GOSR1: variants seen among roughly 807,000 people sequenced by gnomAD.
GOSR1 encodes the protein golgi SNAP receptor complex member 1.
In GOSR1, 21 loss-of-function variants were observed where a neutral mutation model predicts 35.5. That is an observed-to-expected ratio of 0.59 (90% CI 0.42 to 0.85). The LOEUF is 0.85. Among genes scored for constraint, GOSR1 ranks in the 40% least tolerant of loss-of-function variants. The pLI is 0.00. For synonymous variants in GOSR1, 94 were observed against 106.6 expected, an observed-to-expected ratio of 0.88 and a Z score of 0.73; for missense variants, 285 against 309.6, an observed-to-expected ratio of 0.92 and a Z score of 0.60.
chr17:30,522,843 C>G lies in GOSR1; in HGVS notation c.*465C>G, dbSNP rs1057300732. ...CCCTCTCCCCACGGTCTCCCTCTTT[C>G]CACGGTCTCCCTCTGATGCCGAGCC... On this transcript the variant is annotated 3_prime_UTR_variant, in exon 9 of 9. Transcript: ENST00000451249. The G allele has an allele frequency of 6.5e-6, 1 of 153,232 alleles. No homozygotes were observed. The highest frequency in any genetic ancestry group is 1.5e-5 in the Non-Finnish European group (1 of 68,822). 9.5% of individuals were successfully genotyped at this position (153,232 alleles called of 1,614,324 possible).
intron 4 of GOSR1, among the ~76,000 whole-genome samples, chr17:30,486,440 A>G (rs1014505307): frequency 2.0e-5 from 3 of 151,050 alleles, no homozygotes; most frequent in African/African-American, 7.3e-5. Context: ...TAGCTTGAAC[A>G]TTGAACCTGG....
intron 6 of GOSR1, among the ~76,000 whole-genome samples, chr17:30,498,099 A>G (rs1967064626): frequency 6.6e-6 from 1 of 150,572 alleles, no homozygotes; most frequent in African/African-American, 2.4e-5. Flanking sequence ...AATTACTCTT[A>G]TTAGTCATTA....
chr17:30,522,170 C>A, intron 8 of GOSR1, 84 bp from the exon 9 acceptor site: 1 of 1,091,008 alleles, frequency 9.2e-7, no homozygotes, highest in Non-Finnish European at 1.3e-6. Flanking sequence ...TTCTAGACAC[C>A]ACTGATCTCT....
chr17:30,509,184 G>T (rs755860731), intron 6 of GOSR1, among the ~76,000 whole-genome samples: 2 of 151,692 alleles, frequency 1.3e-5, no homozygotes, highest in Non-Finnish European at 2.9e-5. Context: ...ACTGTGTTGG[G>T]CAGGCTGGTC....
intron 8 of GOSR1, 132 bp from the exon 9 acceptor site, chr17:30,522,122 C>T (rs1968059031): frequency 1.4e-6 from 1 of 710,812 alleles, no homozygotes; most frequent in African/African-American, 1.8e-5. Flanking sequence ...TAAAGATTCC[C>T]TTGGTGTGAG....
At chr17:30,515,402 G>C (rs956549104) in intron 7 of GOSR1, among the ~76,000 whole-genome samples, 5 of 151,106 alleles carry the variant, frequency 3.3e-5, no homozygotes, top group Non-Finnish European at 7.4e-5. Context: ...GGTGACACTT[G>C]TTGAGTGTTA....
chr17:30,501,642 C>T (rs1021972598), intron 6 of GOSR1, among the ~76,000 whole-genome samples: 4 of 152,094 alleles, frequency 2.6e-5, no homozygotes, highest in South Asian at 2.1e-4. Flanking sequence ...ATTACAGGTG[C>T]GTGCCACCAC....
intron 7 of GOSR1, among the ~76,000 whole-genome samples, chr17:30,519,183 C>T (rs1416061902): frequency 6.6e-6 from 1 of 152,144 alleles, no homozygotes; most frequent in African/African-American, 2.4e-5. Context: ...ACCTCAGCCT[C>T]CCGAGTAGCT....
intron 6 of GOSR1, among the ~76,000 whole-genome samples, chr17:30,504,766 A>G (rs1450769067): frequency 6.6e-6 from 1 of 152,240 alleles, no homozygotes; most frequent in Admixed American, 6.5e-5. Flanking sequence ...TGACACAGAA[A>G]GTTGTTCCTT....
intron 4 of GOSR1, among the ~76,000 whole-genome samples, chr17:30,487,464 A>T (rs1914746727): frequency 6.6e-6 from 1 of 152,218 alleles, no homozygotes; most frequent in Non-Finnish European, 1.5e-5. Context: ...TAATAGAAAT[A>T]AGAAAAAGAC....
In GOSR1 at chr17:30,499,964, T is replaced by C. The variant is rs995936850; in HGVS notation, c.509+7211T>C. On this transcript the variant is annotated intron_variant, in intron 6 of 8. Transcript: ENST00000451249. Reference sequence around the variant, plus strand: ...TTTATTATTCACAACTCACAGGTTATTGTGACATTTGTATATCTTCTTTAG... The same window carrying C: ...TTTATTATTCACAACTCACAGGTTACTGTGACATTTGTATATCTTCTTTAG... Among the ~76,000 whole-genome samples the C allele has an allele frequency of 9.9e-5, 15 of 152,256 alleles. 1 individual carries two copies. The highest frequency in any genetic ancestry group is 3.6e-4 in the African/African-American group (15 of 41,468).
intron 5 of GOSR1, 199 bp downstream of exon 5, chr17:30,490,416 T>G: frequency 2.3e-6 from 1 of 426,180 alleles, no homozygotes; most frequent in South Asian, 3.1e-5. Context: ...TGCTTCCTCT[T>G]ACTTTATCAT....
chr17:30,494,303 T>C (rs933232733), intron 6 of GOSR1, among the ~76,000 whole-genome samples: 3 of 152,282 alleles, frequency 2.0e-5, no homozygotes, highest in Non-Finnish European at 4.4e-5. Context: ...ATTTATGTTA[T>C]GGATGACAAA....
intron 6 of GOSR1, among the ~76,000 whole-genome samples, chr17:30,499,596 C>T (rs573349401): frequency 6.6e-6 from 1 of 152,350 alleles, no homozygotes; most frequent in South Asian, 2.1e-4. Context: ...CCGCCTTGGC[C>T]TCCCAAAGTG....
intron 5 of GOSR1, among the ~76,000 whole-genome samples, chr17:30,492,327 G>A (rs550385287): frequency 6.6e-6 from 1 of 152,280 alleles, no homozygotes; most frequent in East Asian, 1.9e-4. Context: ...CCTGTGTGCT[G>A]TGTACTAAAT....
At chr17:30,499,365 G>A (rs1372841733) in intron 6 of GOSR1, among the ~76,000 whole-genome samples, 28 of 126,746 alleles carry the variant, frequency 2.2e-4, no homozygotes, top group Non-Finnish European at 4.1e-4. Context: ...TTTTTGAGAC[G>A]GAGTCTCATT....
At chr17:30,497,875 T>G (rs1278847302) in intron 6 of GOSR1, among the ~76,000 whole-genome samples, 1 of 152,122 alleles carries the variant, frequency 6.6e-6, no homozygotes, top group East Asian at 1.9e-4. Context: ...CTGGCCAACA[T>G]GGTGAAACCC....
intron 1 of GOSR1, 99 bp downstream of exon 1, chr17:30,477,563 C>T (rs1914020062): frequency 7.0e-6 from 10 of 1,435,952 alleles, no homozygotes; most frequent in Non-Finnish European, 9.4e-6. Context: ...ACCAGACTCC[C>T]GGAGCGGCCG....
chr17:30,477,491 G>C, intron 1 of GOSR1, 27 bp downstream of exon 1: 3 of 1,604,468 alleles, frequency 1.9e-6, no homozygotes, highest in Non-Finnish European at 2.6e-6. Flanking sequence ...CTCCGGGTGC[G>C]TCCTACGAGG....
Sources: allele counts gnomAD v4.1 joint callset (sites outside exome capture counted in the v4.1 genomes callset), GRCh38; gene constraint gnomAD v4.1.1; transcripts MANE v1.5; gene names NCBI Gene and HGNC (gene_info 2026-07-23, HGNC 2026-07-21).